SESTD1: variants seen among roughly 807,000 people sequenced by gnomAD.
The protein encoded by SESTD1 is SEC14 domain and spectrin repeat-containing protein 1.
SESTD1 carries 43 observed loss-of-function variants against 101.7 expected under a neutral mutation model. That is an observed-to-expected ratio of 0.42 (90% CI 0.33 to 0.55). SESTD1 has a LOEUF of 0.55. Ranked by LOEUF, SESTD1 falls within the 20% of genes least tolerant of loss-of-function variation. The pLI, the probability that SESTD1 is intolerant of heterozygous loss-of-function variation, is 0.07. For missense variants in SESTD1, 647 were observed against 815.1 expected (o/e 0.79, Z 2.51); for synonymous variants, 283 against 286.8 (o/e 0.99, Z 0.13).
chr2:179,118,623 G>A (rs2044685748), intron 13 of SESTD1, among the ~76,000 whole-genome samples: 1 of 152,124 alleles, frequency 6.6e-6, no homozygotes, highest in Non-Finnish European at 1.5e-5. Context: ...CTTGGTTAAA[G>A]TAATTCTACA....
At chr2:179,169,748 G>A (rs1221688283) in intron 5 of SESTD1, among the ~76,000 whole-genome samples, 2 of 151,984 alleles carry the variant, frequency 1.3e-5, no homozygotes, top group Non-Finnish European at 2.9e-5. Context: ...TTGGGAGGCC[G>A]AGGTGGGCAG....
At chr2:179,234,057 C>T (rs756932333) in intron 1 of SESTD1, among the ~76,000 whole-genome samples, 41 of 152,086 alleles carry the variant, frequency 2.7e-4, no homozygotes, top group Non-Finnish European at 4.6e-4. Flanking sequence ...ATCAGTTTGC[C>T]CTCCGTAATG....
intron 1 of SESTD1, among the ~76,000 whole-genome samples, chr2:179,261,691 A>T (rs111249568): frequency 2.0e-5 from 3 of 152,004 alleles, no homozygotes; most frequent in African/African-American, 7.3e-5. Flanking sequence ...ACATTGCTAT[A>T]ACCCTACATT....
chr2:179,201,879 T>C (rs535940677), intron 1 of SESTD1, among the ~76,000 whole-genome samples: 1 of 126,800 alleles, frequency 7.9e-6, no homozygotes, highest in South Asian at 3.2e-4. Flanking sequence ...CATATGTAAC[T>C]AACCTGCACA....
intron 1 of SESTD1, among the ~76,000 whole-genome samples, chr2:179,230,274 TA>T (rs1442599327): frequency 6.6e-6 from 1 of 151,722 alleles, no homozygotes; most frequent in Non-Finnish European, 1.5e-5. Context: ...TAGCTGGGGC[TA>T]CAGGCACACA....
chr2:179,174,904 C>T (rs1317423197), intron 4 of SESTD1, among the ~76,000 whole-genome samples: 3 of 148,052 alleles, frequency 2.0e-5, no homozygotes, highest in African/African-American at 7.5e-5. Context: ...AGCCATGCAA[C>T]TGCACTCCAG....
At chr2:179,182,658 A>AT (rs1333167402) in intron 3 of SESTD1, among the ~76,000 whole-genome samples, 6 of 152,124 alleles carry the variant, frequency 3.9e-5, no homozygotes, top group Non-Finnish European at 8.8e-5. Context: ...CATTTTTGAC[A>AT]TTTTTTAAAA....
intron 9 of SESTD1, among the ~76,000 whole-genome samples, chr2:179,141,332 A>T (rs1334556458): frequency 6.6e-6 from 1 of 152,112 alleles, no homozygotes; most frequent in Non-Finnish European, 1.5e-5. Context: ...TTCGTCTCTA[A>T]TATCTTCTTA....
At chr2:179,262,267 G>A (rs1486817724) in intron 1 of SESTD1, among the ~76,000 whole-genome samples, 6 of 152,064 alleles carry the variant, frequency 3.9e-5, no homozygotes, top group Non-Finnish European at 7.4e-5. Context: ...TAACGTTCTT[G>A]GATTAGTGCC....
At chr2:179,241,298 T>C (rs1332617577) in intron 1 of SESTD1, among the ~76,000 whole-genome samples, 2 of 152,000 alleles carry the variant, frequency 1.3e-5, no homozygotes, top group African/African-American at 4.8e-5. Flanking sequence ...GAAAAAGTAC[T>C]TGAAGAAATT....
At chr2:179,221,797 G>A (rs1160254810) in intron 1 of SESTD1, among the ~76,000 whole-genome samples, 1 of 151,728 alleles carries the variant, frequency 6.6e-6, no homozygotes, top group Non-Finnish European at 1.5e-5. Flanking sequence ...ATGCACCTGT[G>A]TGGTCCCAGC....
intron 1 of SESTD1, among the ~76,000 whole-genome samples, chr2:179,227,391 G>C (rs2046903702): frequency 6.6e-6 from 1 of 152,136 alleles, no homozygotes; most frequent in Non-Finnish European, 1.5e-5. Flanking sequence ...TCACTTGGCA[G>C]ATTATCTGAT....
chr2:179,162,721 C>T (rs561381919), intron 5 of SESTD1, among the ~76,000 whole-genome samples: 15 of 151,620 alleles, frequency 9.9e-5, no homozygotes, highest in African/African-American at 3.6e-4. Context: ...GGCACGGTGG[C>T]TCATGTCTGT....
At chr2:179,127,733 A>G (rs1395641710) in intron 10 of SESTD1, among the ~76,000 whole-genome samples, 1 of 152,218 alleles carries the variant, frequency 6.6e-6, no homozygotes, top group African/African-American at 2.4e-5. Flanking sequence ...TCCAATGGTG[A>G]TGATAATATC....
At chr2:179,162,217 C>T (rs1204922156) in intron 5 of SESTD1, among the ~76,000 whole-genome samples, 1 of 151,662 alleles carries the variant, frequency 6.6e-6, no homozygotes, top group Non-Finnish European at 1.5e-5. Context: ...CAACTAATAT[C>T]TGAAAGTTTT....
rs542941015 is a variant in SESTD1, at chr2:179,217,873, C to T, written c.-25-26007G>A. On this transcript the variant is annotated intron_variant, in intron 1 of 17. Transcript: ENST00000428443. ...GAAACCATCATTCTCAGCAAACTAC[C>T]ACAAGGACAGAAAACCAAACACCAC... 2.0e-5 allele frequency among the ~76,000 whole-genome samples: 3 copies of T among 151,984 alleles called. No homozygotes were observed. The East Asian group carries it at 5.8e-4, about 29-fold the overall frequency.
intron 10 of SESTD1, among the ~76,000 whole-genome samples, chr2:179,131,357 CTTG>C (rs1480804079): frequency 1.3e-5 from 2 of 152,078 alleles, no homozygotes; most frequent in Non-Finnish European, 2.9e-5. Context: ...ATTCTTTAAT[CTTG>C]TTTAGTTAAA....
intron 1 of SESTD1, among the ~76,000 whole-genome samples, chr2:179,249,773 CAGAAAT>C (rs1444024753): frequency 2.0e-5 from 3 of 151,320 alleles, no homozygotes; most frequent in Non-Finnish European, 4.4e-5. Flanking sequence ...AGAGAGAACT[CAGAAAT>C]AGAAACACAC....
In SESTD1 at chr2:179,124,377, C is replaced by A; in HGVS notation, c.1154G>T (p.Gly385Val). Residue 385 changes from glycine (G) to valine (V), a missense_variant, in exon 11 of 18, where the codon GGT (glycine) becomes GTT (valine). Physicochemically the swap from Gly to Val is moderately radical, Grantham distance 109. Around this residue, in one of 3 missense-constraint regions of SESTD1, gnomAD observed 476 missense variants for 562.6 expected, o/e 0.85. Coordinates refer to ENST00000428443, the MANE Select transcript of SESTD1 (RefSeq NM_178123.5). ...ATAGACACTTACATCTTGGGCAACA[C>A]CATGAAATTCAAGAGCTGCTTGTAA... is the stretch of plus-strand genomic sequence containing the variant. ...NLLQAALEFH[G>V]VAQDLSQQLD... is the part of the protein sequence containing the mutation. 1 of 1,613,890 alleles carries A rather than the reference C, an allele frequency of 6.2e-7. No homozygotes were observed. The highest frequency in any genetic ancestry group is 8.5e-7 in the Non-Finnish European group (1 of 1,179,878).
Sources: gnomAD v4.1 joint callset for allele counts (sites outside exome capture counted in the v4.1 genomes callset) on GRCh38, gnomAD v4.1.1 for gene constraint, gnomAD v4.1.1 regional missense constraint, MANE v1.5 for transcripts, NCBI Gene and HGNC (gene_info 2026-07-23, HGNC 2026-07-21) for gene names.